The following FER variants were observed in gnomAD, a reference collection of about 807,000 sequenced individuals.
FER encodes the protein tyrosine-protein kinase Fer.
Under a neutral mutation model 111.0 loss-of-function variants are expected in FER, and 63 were observed. The ratio of observed to expected loss-of-function variants is 0.57; its 90% CI spans 0.46 to 0.70. FER has a LOEUF of 0.70. FER is among the 30% of genes least tolerant of loss of function. FER has a pLI of 0.00. For synonymous variants in FER, 327 were observed against 313.9 expected (o/e 1.04, Z -0.44); for missense variants, 914 against 954.0 (o/e 0.96, Z 0.55).
chr5:109,128,330 G>A (rs1751978240), intron 17 of FER, among the ~76,000 whole-genome samples: 1 of 151,702 alleles, frequency 6.6e-6, no homozygotes, highest in African/African-American at 2.4e-5. Flanking sequence ...GTAATAATGA[G>A]TTTTGGCATA....
intron 16 of FER, among the ~76,000 whole-genome samples, chr5:109,054,562 T>C (rs2149940629): frequency 6.6e-6 from 1 of 152,216 alleles, no homozygotes; most frequent in East Asian, 1.9e-4. Context: ...TTCATTCTCT[T>C]AACAGTGTCT....
In FER at chr5:108,747,968, TGGG is replaced by T. The variant is rs1749992063; in HGVS notation, c.-237_-235del. On this transcript the variant is annotated 5_prime_UTR_variant, in exon 1 of 20. Coordinates refer to ENST00000281092, the MANE Select transcript of FER (RefSeq NM_005246.4). ...GCCATCACTGAAGAGCAGACCCGTT[TGGG>T]TTCTCCACGCATTCTAGACTCCCGA... is the stretch of plus-strand genomic sequence containing the variant. 6.6e-6 allele frequency: 1 copy of T among 152,264 alleles called. No homozygotes were observed. The highest frequency in any genetic ancestry group is 1.5e-5 in the Non-Finnish European group (1 of 68,044). The allele number at this position is 152,264 out of a possible 1,614,324, so 9.4% of individuals were successfully genotyped here.
At chr5:108,755,566 A>G (rs1246724900) in intron 1 of FER, among the ~76,000 whole-genome samples, 1 of 151,760 alleles carries the variant, frequency 6.6e-6, no homozygotes, top group East Asian at 2.0e-4. Flanking sequence ...GCTCACCGCA[A>G]CCTCCACCTC....
intron 5 of FER, among the ~76,000 whole-genome samples, chr5:108,846,703 C>T (rs1228914237): frequency 1.3e-5 from 2 of 152,124 alleles, no homozygotes; most frequent in Non-Finnish European, 2.9e-5. Context: ...CTGTCTCAGC[C>T]TCCCAAGTAG....
At chr5:109,183,529 G>A (rs772458326) in intron 18 of FER, among the ~76,000 whole-genome samples, 18 of 152,114 alleles carry the variant, frequency 1.2e-4, no homozygotes, top group Non-Finnish European at 2.5e-4. Flanking sequence ...GATTACAGGC[G>A]TGAGCTACCG....
At position 109,191,035 on chromosome 5, in the gene FER, G is replaced by T. The variant is rs1171135335; in HGVS notation, c.*3460G>T. On this transcript the variant is annotated 3_prime_UTR_variant, in exon 20 of 20. Transcript: ENST00000281092. ...TCCCATATAACTTTTGTGAAGATTG[G>T]CTAGTACCACAAAATAACTATGGCT... 6.6e-6 allele frequency: 1 copy of T among 151,946 alleles called. No individual in the cohort carries two copies. The highest frequency in any genetic ancestry group is 1.5e-5 in the Non-Finnish European group (1 of 67,984). 9.4% of individuals were successfully genotyped at this position (151,946 alleles called of 1,614,324 possible).
intron 2 of FER, among the ~76,000 whole-genome samples, chr5:108,771,858 A>G (rs904713484): frequency 2.0e-5 from 3 of 152,174 alleles, no homozygotes; most frequent in African/African-American, 7.2e-5. Flanking sequence ...TACCAATATC[A>G]TATATAAGAA....
At chr5:108,812,420 G>A (rs57561676) in intron 3 of FER, among the ~76,000 whole-genome samples, 35,135 of 152,014 alleles carry the variant, frequency 0.23, 4,252 homozygotes, top group African/African-American at 0.28. Context: ...TAATGTTAGC[G>A]TGGTATGTCG....
intron 10 of FER, among the ~76,000 whole-genome samples, chr5:108,931,143 T>A (rs1754610582): frequency 6.6e-6 from 1 of 152,174 alleles, no homozygotes; most frequent in Non-Finnish European, 1.5e-5. Context: ...CATAGAAGAT[T>A]AAAATGGGCG....
At chr5:109,131,884 A>G (rs1028902101) in intron 17 of FER, among the ~76,000 whole-genome samples, 2 of 152,182 alleles carry the variant, frequency 1.3e-5, no homozygotes, top group African/African-American at 2.4e-5. Flanking sequence ...TACAGTAGCC[A>G]GACATGTAAA....
chr5:108,982,063 T>TG (rs1762068955), intron 13 of FER, among the ~76,000 whole-genome samples: 1 of 152,158 alleles, frequency 6.6e-6, no homozygotes, highest in Non-Finnish European at 1.5e-5. Flanking sequence ...GCGCAGGCTC[T>TG]GGACCAGTAA....
chr5:108,875,846 ACT>A (rs1386169600), intron 8 of FER, among the ~76,000 whole-genome samples: 3 of 152,022 alleles, frequency 2.0e-5, no homozygotes, highest in African/African-American at 4.8e-5. Flanking sequence ...TATTTTGTTG[ACT>A]CTGTTTTCTG....
rs746184286 is a variant in FER at position 109,058,724 on chromosome 5, C to CTTT, written c.1924+11550_1924+11552dup. 2.3e-3 allele frequency among the ~76,000 whole-genome samples: 176 copies of CTTT among 76,260 alleles called. 17 individuals are homozygous for CTTT. The highest frequency in any genetic ancestry group is 4.7e-3 in the African/African-American group (80 of 17,116). 50.0% of individuals were successfully genotyped at this position (76,260 alleles called of 152,430 possible). ...TCTTTTTCTTTTTCTTTCTTTCTTT[C>CTTT]TTTTTTTTTTTTTTTTTTTTTTTTT... is the stretch of plus-strand genomic sequence containing the variant. On this transcript the variant is annotated intron_variant, in intron 16 of 19. Transcript: ENST00000281092.
chr5:108,749,532 C>T (rs1379503343), intron 1 of FER, among the ~76,000 whole-genome samples: 1 of 152,186 alleles, frequency 6.6e-6, no homozygotes, highest in African/African-American at 2.4e-5. Context: ...GTATTCCCCC[C>T]ATCCCTTCCT....
At chr5:109,079,760 G>A (rs1054100950) in intron 16 of FER, among the ~76,000 whole-genome samples, 1 of 152,048 alleles carries the variant, frequency 6.6e-6, no homozygotes, top group African/African-American at 2.4e-5. Context: ...CATTAGATTA[G>A]ATTCTGCAGA....
chr5:109,062,741 T>G (rs1164103831), intron 16 of FER, among the ~76,000 whole-genome samples: 1 of 152,056 alleles, frequency 6.6e-6, no homozygotes, highest in African/African-American at 2.4e-5. Flanking sequence ...TGAAAAAAAA[T>G]GTCAGTCTCA....
At chr5:109,186,074 TATGTGCTCCATCATTG>T in intron 18 of FER, 110 bp from the exon 19 acceptor site, 1 of 1,315,678 alleles carries the variant, frequency 7.6e-7, no homozygotes, top group Non-Finnish European at 1.1e-6. Flanking sequence ...CACTGTCATA[TATGTGCTCCATCATTG>T]ACCAAACATC....
At chr5:108,839,228 G>A (rs913369372) in intron 5 of FER, among the ~76,000 whole-genome samples, 8 of 152,144 alleles carry the variant, frequency 5.3e-5, no homozygotes, top group African/African-American at 1.9e-4. Flanking sequence ...TTCAGAATAA[G>A]TAAGAAGAGC....
At chr5:108,920,868 G>A (rs746849717) in intron 10 of FER, among the ~76,000 whole-genome samples, 1 of 152,004 alleles carries the variant, frequency 6.6e-6, no homozygotes, top group Non-Finnish European at 1.5e-5. Context: ...TCCTCACCAT[G>A]AACTCAATTA....
Sources: gnomAD v4.1 joint callset for allele counts (sites outside exome capture counted in the v4.1 genomes callset) on GRCh38, gnomAD v4.1.1 for gene constraint, MANE v1.5 for transcripts, NCBI Gene and HGNC (gene_info 2026-07-23, HGNC 2026-07-21) for gene names.